Variants in UBE3C observed in about 807,000 individuals in gnomAD.
The protein encoded by UBE3C is ubiquitin-protein ligase E3C.
Under a neutral mutation model 129.4 loss-of-function variants are expected in UBE3C, and 42 were observed. The observed-to-expected ratio is 0.32, with a 90% CI of 0.25 to 0.42. The LOEUF (loss-of-function observed/expected upper bound fraction) is 0.42. UBE3C is among the 10% of genes least tolerant of loss of function. The pLI is 1.00. For missense variants in UBE3C, 1,049 were observed against 1,319.1 expected, an observed-to-expected ratio of 0.80 and a Z score of 3.17; for synonymous variants, 510 against 492.4, an observed-to-expected ratio of 1.04 and a Z score of -0.47.
intron 18 of UBE3C, among the ~76,000 whole-genome samples, chr7:157,237,543 C>CT (rs1198986171): frequency 6.6e-6 from 1 of 152,166 alleles, no homozygotes; most frequent in Admixed American, 6.5e-5. Flanking sequence ...TTATTCCTTC[C>CT]TTTTTATTTT....
At chr7:157,140,497 A>C (rs1441415850) in intron 1 of UBE3C, among the ~76,000 whole-genome samples, 1 of 152,210 alleles carries the variant, frequency 6.6e-6, no homozygotes, top group Admixed American at 6.5e-5. Flanking sequence ...TCGTGGTAGC[A>C]CTTAGGGTCT....
At chr7:157,182,829 A>G (rs1304886556) in intron 8 of UBE3C, among the ~76,000 whole-genome samples, 4 of 151,886 alleles carry the variant, frequency 2.6e-5, no homozygotes, top group African/African-American at 7.3e-5. Flanking sequence ...GCTCACTGCA[A>G]CCTCCGCCTC....
Position 157,223,276 on chromosome 7 carries a change from G to A in UBE3C, c.2025G>A (p.Leu675=). ...TAGTGGGTTTGGAGTCCCCGCCGCT[G>A]TCTGTGTCTGAGGAAAGACAGCTTG... ...TLDVGLESPP[L]SVSEERQLAV... Residue 675 remains leucine (L), a synonymous_variant, in exon 16 of 23, where the codon CTG becomes CTA. Coordinates refer to ENST00000348165, the MANE Select transcript of UBE3C (RefSeq NM_014671.3). 1.2e-6 allele frequency: 2 copies of A among 1,614,198 alleles called. No individual in the cohort carries two copies. Among genetic ancestry groups the A allele is most frequent in the African/African-American group, 1.3e-5 (1 of 75,058 alleles).
chr7:157,242,514 GTTTTTTTTT>G (rs33913991), intron 18 of UBE3C, among the ~76,000 whole-genome samples: 2 of 112,126 alleles, frequency 1.8e-5, no homozygotes, highest in African/African-American at 7.3e-5. Context: ...AGCCTGAGTT[GTTTTTTTTT>G]TTTTTTTTTT....
chr7:157,173,221 AAAT>A (rs2116894642), intron 4 of UBE3C, among the ~76,000 whole-genome samples: 1 of 152,232 alleles, frequency 6.6e-6, no homozygotes, highest in African/African-American at 2.4e-5. Flanking sequence ...ACAAAGCAAA[AAAT>A]AAATTAGCTG....
intron 21 of UBE3C, 125 bp from the exon 22 acceptor site, chr7:157,256,789 G>T (rs149829385): frequency 4.5e-5 from 58 of 1,299,170 alleles, no homozygotes; most frequent in Non-Finnish European, 2.0e-5. Flanking sequence ...ATGCCACGCC[G>T]TTTTAGAGAA....
intron 11 of UBE3C, among the ~76,000 whole-genome samples, chr7:157,202,656 A>G (rs1049531454): frequency 1.3e-5 from 2 of 151,994 alleles, no homozygotes; most frequent in Non-Finnish European, 2.9e-5. Context: ...CTTCCTCTCA[A>G]AAAAAAAGAA....
chr7:157,254,374 T>TTTTTA (rs1796691745), intron 21 of UBE3C, 64 bp downstream of exon 21: 2 of 994,272 alleles, frequency 2.0e-6, no homozygotes, highest in East Asian at 3.1e-5. Flanking sequence ...TCCAAAGTAA[T>TTTTTA]TTTTATTTTA....
chr7:157,147,215 A>T (rs1245014765), intron 1 of UBE3C, among the ~76,000 whole-genome samples: 3 of 152,168 alleles, frequency 2.0e-5, no homozygotes, highest in African/African-American at 7.2e-5. Context: ...TTCATTGGTT[A>T]TATAATTTTC....
intron 1 of UBE3C, among the ~76,000 whole-genome samples, chr7:157,149,714 AAGACC>A (rs1179972927): frequency 6.6e-6 from 1 of 152,198 alleles, no homozygotes; most frequent in Admixed American, 6.5e-5. Context: ...ATGGTCTCAT[AAGACC>A]ATAGAATAGC....
chr7:157,229,513 C>T (rs1396638138), intron 17 of UBE3C, among the ~76,000 whole-genome samples: 1 of 152,192 alleles, frequency 6.6e-6, no homozygotes, highest in Non-Finnish European at 1.5e-5. Context: ...GACGGGGTTT[C>T]ACCATGTTAG....
chr7:157,210,570 G>A (rs902687772), intron 13 of UBE3C, among the ~76,000 whole-genome samples: 2 of 152,122 alleles, frequency 1.3e-5, no homozygotes, highest in Admixed American at 6.6e-5. Flanking sequence ...TTACAGATGA[G>A]GTCATGTATA....
intron 10 of UBE3C, among the ~76,000 whole-genome samples, chr7:157,189,806 G>C (rs1808906243): frequency 7.1e-6 from 1 of 140,070 alleles, no homozygotes; most frequent in Admixed American, 7.1e-5. Flanking sequence ...GTTTTTTAGG[G>C]TTGTTAGTTT....
chr7:157,251,598 C>A (rs1355244763), intron 19 of UBE3C, among the ~76,000 whole-genome samples: 1 of 152,082 alleles, frequency 6.6e-6, no homozygotes, highest in African/African-American at 2.4e-5. Context: ...ATGGTGGTGT[C>A]TTGTGGGGCT....
intron 10 of UBE3C, among the ~76,000 whole-genome samples, chr7:157,191,130 A>C (rs1808951589): frequency 6.6e-6 from 1 of 152,178 alleles, no homozygotes; most frequent in African/African-American, 2.4e-5. Context: ...CATATGCTTG[A>C]TTTTTCCACC....
At chr7:157,250,067 A>T (rs1219526074) in intron 19 of UBE3C, among the ~76,000 whole-genome samples, 1 of 152,194 alleles carries the variant, frequency 6.6e-6, no homozygotes, top group Non-Finnish European at 1.5e-5. Flanking sequence ...CAGATAAGGG[A>T]TACTGACCCT....
At chr7:157,163,029 T>C (rs185664375) in intron 1 of UBE3C, among the ~76,000 whole-genome samples, 63 of 152,238 alleles carry the variant, frequency 4.1e-4, no homozygotes, top group African/African-American at 1.2e-3. Context: ...ATCAAAGAAA[T>C]TGATTTCTTC....
Position 157,219,872 on chromosome 7 carries a change from C to T in UBE3C, c.1915-817C>T, listed in dbSNP as rs909034017. Among the ~76,000 whole-genome samples, 3 of 151,602 alleles carry T rather than the reference C, an allele frequency of 2.0e-5. No individual in the cohort carries two copies. The East Asian group carries it at 5.8e-4, about 29-fold the overall frequency. ...CAAGATCAGGCCACTGCACTTTATCCTGGGTAACAGAGTGAATGAGACTCC... is the reference window on the plus strand; with the variant it reads ...CAAGATCAGGCCACTGCACTTTATCTTGGGTAACAGAGTGAATGAGACTCC... On this transcript the variant is annotated intron_variant, in intron 14 of 22. Transcript: ENST00000348165.
chr7:157,227,561 G>C (rs1017680050), intron 17 of UBE3C, among the ~76,000 whole-genome samples: 1 of 151,794 alleles, frequency 6.6e-6, no homozygotes, highest in East Asian at 1.9e-4. Flanking sequence ...ATAGCTGGGC[G>C]TGGTGGTAGG....
Sources: gnomAD v4.1 joint callset for allele counts (sites outside exome capture counted in the v4.1 genomes callset) on GRCh38, gnomAD v4.1.1 for gene constraint, MANE v1.5 for transcripts, NCBI Gene and HGNC (gene_info 2026-07-23, HGNC 2026-07-21) for gene names.